Variants in GATAD2B observed in about 807,000 individuals in gnomAD.
GATAD2B encodes the protein GATA zinc finger domain containing 2B.
Under a neutral mutation model 64.3 loss-of-function variants are expected in GATAD2B, and 8 were observed. The observed-to-expected ratio is 0.12, with a 90% CI of 0.07 to 0.22. The LOEUF (loss-of-function observed/expected upper bound fraction) is 0.22, where lower values mean the gene tolerates loss of function less well. GATAD2B is among the 10% of genes least tolerant of loss of function. GATAD2B has a pLI of 1.00. For missense variants in GATAD2B, 453 were observed against 752.0 expected (o/e 0.60, Z 4.65); for synonymous variants, 281 against 271.3 (o/e 1.04, Z -0.35).
intron 2 of GATAD2B, 29 bp from the exon 3 acceptor site, chr1:153,819,764 T>G (rs765676292): frequency 1.9e-6 from 3 of 1,568,876 alleles, no homozygotes; most frequent in Non-Finnish European, 2.6e-6. Flanking sequence ...AAATAAGCTA[T>G]TTCCAACAAA....
intron 1 of GATAD2B, chr1:153,899,132 G>A (rs543459451): frequency 6.6e-6 from 1 of 152,308 alleles, no homozygotes; most frequent in Admixed American, 6.5e-5. Flanking sequence ...GCACACACCT[G>A]TAATTCCAGC....
chr1:153,833,811 C>CAAAAA (rs71093292), intron 1 of GATAD2B, among the ~76,000 whole-genome samples: 2 of 61,934 alleles, frequency 3.2e-5, no homozygotes, highest in African/African-American at 5.9e-5. Context: ...ACTCAGTCTC[C>CAAAAA]AAAAAAAAAA....
intron 1 of GATAD2B, among the ~76,000 whole-genome samples, chr1:153,849,468 T>A (rs12129468): frequency 0.28 from 42,694 of 152,132 alleles, 6,681 homozygotes; most frequent in Non-Finnish European, 0.36. Context: ...TTTATAATCT[T>A]ATGTCCAAAA....
chr1:153,853,230 T>C lies in GATAD2B; in HGVS notation c.-1-24882A>G. On this transcript the variant is annotated intron_variant, in intron 1 of 10. Transcript: ENST00000368655. ...GATGATGGGCAGAGCACACTGGTCATGGCCACCGAGGTGATGGTCTTCACA... is the reference window on the plus strand; with the variant it reads ...GATGATGGGCAGAGCACACTGGTCACGGCCACCGAGGTGATGGTCTTCACA... 5 of 1,104,756 alleles carry C rather than the reference T, an allele frequency of 4.5e-6. No homozygotes were observed. The South Asian group carries it at 6.3e-5, about 14-fold the overall frequency. 68.4% of individuals were successfully genotyped at this position (1,104,756 alleles called of 1,614,324 possible). A position where few individuals can be genotyped will look rare whatever the true frequency, so the allele number is the denominator to read the frequency against.
At chr1:153,864,799 T>C (rs1261816133) in intron 1 of GATAD2B, among the ~76,000 whole-genome samples, 1 of 152,176 alleles carries the variant, frequency 6.6e-6, no homozygotes, top group Non-Finnish European at 1.5e-5. Context: ...CCAGGCACAG[T>C]GGCTCATGCC....
intron 1 of GATAD2B, among the ~76,000 whole-genome samples, chr1:153,830,424 G>A (rs1489450063): frequency 1.3e-5 from 2 of 151,586 alleles, no homozygotes; most frequent in Admixed American, 6.6e-5. Flanking sequence ...GGGATCACAG[G>A]CATTAGCCAC....
intron 1 of GATAD2B, among the ~76,000 whole-genome samples, chr1:153,898,306 C>CAAAA (rs11373311): frequency 1.2e-5 from 1 of 80,784 alleles, no homozygotes; most frequent in African/African-American, 5.4e-5. Flanking sequence ...CAGCCTGTCT[C>CAAAA]AAAAAAAAAA....
intron 1 of GATAD2B, among the ~76,000 whole-genome samples, chr1:153,855,185 T>A (rs1205868713): frequency 6.6e-6 from 1 of 151,822 alleles, no homozygotes; most frequent in African/African-American, 2.4e-5. Context: ...AGATTGTCCG[T>A]ATTTTTTTGA....
intron 1 of GATAD2B, among the ~76,000 whole-genome samples, chr1:153,860,950 T>G (rs1396609333): frequency 6.6e-6 from 1 of 152,174 alleles, no homozygotes; most frequent in Non-Finnish European, 1.5e-5. Context: ...TTCTTAACTT[T>G]TTCACCTAAC....
chr1:153,855,675 T>G (rs953864064), intron 1 of GATAD2B, among the ~76,000 whole-genome samples: 1 of 152,084 alleles, frequency 6.6e-6, no homozygotes, highest in Admixed American at 6.6e-5. Context: ...CTCCTACTTA[T>G]TTTATATATT....
intron 1 of GATAD2B, among the ~76,000 whole-genome samples, chr1:153,866,133 G>A (rs995662659): frequency 2.6e-5 from 4 of 151,118 alleles, no homozygotes; most frequent in Non-Finnish European, 5.9e-5. Context: ...GAACTTGGGA[G>A]GCGGAGGTTG....
rs138243415 is a variant in GATAD2B, at chr1:153,816,361, T to C, written c.1128A>G (p.Leu376=). The C allele has an allele frequency of 6.2e-7, 1 of 1,613,678 alleles. No homozygotes were observed. The highest frequency in any genetic ancestry group is 1.1e-5 in the South Asian group (1 of 91,046). ...EIPPPKPPAP[L]LHFLPSAANS... ...TGGCTGCACTAGGCAAGAAATGAAG[T>C]AAGGGAGCAGGAGGTTTAGGGGGTG... Residue 376 remains leucine (L), a synonymous_variant, in exon 7 of 11, where the codon TTA becomes TTG. Transcript: ENST00000368655. The surrounding 1 kb of genome is among the most constrained non-coding windows in gnomAD (Gnocchi z 4.9).
chr1:153,901,017 C>G (rs1019848111), intron 1 of GATAD2B, among the ~76,000 whole-genome samples: 6 of 151,944 alleles, frequency 3.9e-5, no homozygotes, highest in African/African-American at 1.5e-4. Flanking sequence ...AGTTCGAGAC[C>G]AGCCTGGCCA....
chr1:153,884,649 T>A (rs1391396725), intron 1 of GATAD2B, among the ~76,000 whole-genome samples: 1 of 152,232 alleles, frequency 6.6e-6, no homozygotes, highest in African/African-American at 2.4e-5. Flanking sequence ...TTACTCAAGT[T>A]GTGATACCCT....
chr1:153,811,928 G>T, intron 9 of GATAD2B, 80 bp from the exon 10 acceptor site: 1 of 1,245,768 alleles, frequency 8.0e-7, no homozygotes, highest in Non-Finnish European at 1.2e-6. Flanking sequence ...GAGTACAGAA[G>T]AAGACTATGA....
chr1:153,878,633 A>G (rs1676908045), intron 1 of GATAD2B, among the ~76,000 whole-genome samples: 1 of 152,104 alleles, frequency 6.6e-6, no homozygotes, highest in South Asian at 2.1e-4. Context: ...AACCTGATAA[A>G]AACTCTTACT....
chr1:153,823,706 C>G (rs1440185072), intron 2 of GATAD2B, among the ~76,000 whole-genome samples: 1 of 150,112 alleles, frequency 6.7e-6, no homozygotes. Context: ...GGGAATCTAT[C>G]GGTTTTGCTT....
At chr1:153,884,442 C>CA (rs572839886) in intron 1 of GATAD2B, among the ~76,000 whole-genome samples, 38 of 146,862 alleles carry the variant, frequency 2.6e-4, no homozygotes, top group Non-Finnish European at 4.5e-4. Context: ...GACTCCACCT[C>CA]AAAAAAAAAA....
At chr1:153,839,844 C>T (rs904433796) in intron 1 of GATAD2B, among the ~76,000 whole-genome samples, 2 of 151,374 alleles carry the variant, frequency 1.3e-5, no homozygotes, top group African/African-American at 2.4e-5. Flanking sequence ...GTGGCAGGTG[C>T]GTGCCTGTAA....
Sources: allele counts gnomAD v4.1 joint callset (sites outside exome capture counted in the v4.1 genomes callset), GRCh38; gene constraint gnomAD v4.1.1; non-coding constraint Gnocchi (gnomAD v3.1); transcripts MANE v1.5; gene names NCBI Gene and HGNC (gene_info 2026-07-23, HGNC 2026-07-21).